Variants in CTNNA3 observed in about 807,000 individuals in gnomAD.
The protein encoded by CTNNA3 is catenin alpha 3.
In CTNNA3, 76 loss-of-function variants were observed where a neutral mutation model predicts 95.7. That is an observed-to-expected ratio of 0.79 (90% CI 0.66 to 0.96). The LOEUF is 0.96. Ranked by LOEUF, CTNNA3 falls within the 40% of genes least tolerant of loss-of-function variation. The pLI is 0.00. For synonymous variants in CTNNA3, 431 were observed against 374.4 expected, an observed-to-expected ratio of 1.15 and a Z score of -1.74; for missense variants, 1,191 against 1,089.8, an observed-to-expected ratio of 1.09 and a Z score of -1.31.
chr10:67,494,289 T>G (rs1838955775), intron 5 of CTNNA3, among the ~76,000 whole-genome samples: 1 of 152,240 alleles, frequency 6.6e-6, no homozygotes, highest in South Asian at 2.1e-4. Flanking sequence ...ATTGTGTCAC[T>G]GTACTATTTT....
In CTNNA3 at chr10:66,335,303, A is replaced by C. The variant is rs1190697894; in HGVS notation, c.1732+43849T>G. On this transcript the variant is annotated intron_variant, in intron 12 of 17. Coordinates refer to ENST00000433211, the MANE Select transcript of CTNNA3 (RefSeq NM_013266.4). ...TGCATTCCTTTGGAGGAGGAGAGGC[A>C]CTCTGATTTTTAGTGTTTCCAGTTT... Among the ~76,000 whole-genome samples the C allele has an allele frequency of 2.6e-5, 4 of 152,122 alleles. 1 individual carries two copies. Among genetic ancestry groups the C allele is most frequent in the East Asian group, 1.9e-4 (1 of 5,162 alleles).
intron 17 of CTNNA3, among the ~76,000 whole-genome samples, chr10:65,930,636 G>A (rs886348744): frequency 6.6e-6 from 1 of 151,894 alleles, no homozygotes; most frequent in African/African-American, 2.4e-5. Context: ...TTATTTCTGT[G>A]ATTATAATAT....
At chr10:66,245,994 C>T (rs976570195) in intron 13 of CTNNA3, among the ~76,000 whole-genome samples, 2 of 152,214 alleles carry the variant, frequency 1.3e-5, no homozygotes, top group Non-Finnish European at 2.9e-5. Flanking sequence ...AGAAAAGGCA[C>T]CACAAGTTCC....
At position 65,920,443 on chromosome 10, in the gene CTNNA3, T is replaced by A. The variant is rs766896063; in HGVS notation, c.2575A>T (p.Ile859Phe). The change falls in exon 18 of 18, where the codon ATT becomes TTT. Residue 859 changes from isoleucine to phenylalanine, a missense_variant. Transcript: ENST00000433211. ...GTTTCCTCTGGCTTCTCTCTTTTAATCAAGGGTTTTTTTGCAGGAGCCTTC... is the reference window on the plus strand; with the variant it reads ...GTTTCCTCTGGCTTCTCTCTTTTAAACAAGGGTTTTTTTGCAGGAGCCTTC... ...RMKAPAKKPL[I>F]KREKPEETCA... is the part of the protein sequence containing the mutation. 6.8e-6 allele frequency: 11 copies of A among 1,614,048 alleles called. No homozygotes were observed. The Admixed American group carries it at 1.8e-4, about 27-fold the overall frequency.
chr10:67,219,909 G>T (rs772820776), intron 5 of CTNNA3, 39 bp from the exon 6 acceptor site: 5 of 1,484,784 alleles, frequency 3.4e-6, no homozygotes, highest in Admixed American at 4.5e-5. Flanking sequence ...CTTACAATGG[G>T]TTATGGGAGA....
chr10:67,367,931 G>A (rs1490289606), intron 5 of CTNNA3, among the ~76,000 whole-genome samples: 2 of 152,070 alleles, frequency 1.3e-5, no homozygotes, highest in Admixed American at 6.6e-5. Context: ...TAATCATTGG[G>A]TACTATGCTC....
chr10:66,777,796 CAT>C (rs1554850954), intron 7 of CTNNA3, among the ~76,000 whole-genome samples: 13 of 71,054 alleles, frequency 1.8e-4, no homozygotes, highest in Admixed American at 4.0e-4. Flanking sequence ...CACACACACA[CAT>C]GCACACACAC....
Position 67,690,875 on chromosome 10 carries a change from C to CCTCTCT in CTNNA3, c.-6+5124_-6+5125insAGAGAG, listed in dbSNP as rs199999468. Among the ~76,000 whole-genome samples, 17 of 152,208 alleles carry CCTCTCT rather than the reference C, an allele frequency of 1.1e-4. No homozygotes were observed. In the East Asian group the frequency reaches 2.7e-3, roughly 24 times the overall value. ...GCTACAGCCTCTCCCTCTCCCTCTC[C>CCTCTCT]GTCTCTGTCTCCCTCTCCCCACGGT... On this transcript the variant is annotated intron_variant, in intron 1 of 17. Coordinates refer to ENST00000433211, the MANE Select transcript of CTNNA3 (RefSeq NM_013266.4).
At chr10:66,198,772 G>A (rs1474546530) in intron 13 of CTNNA3, among the ~76,000 whole-genome samples, 1 of 152,088 alleles carries the variant, frequency 6.6e-6, no homozygotes, top group African/African-American at 2.4e-5. Flanking sequence ...TATATACAAT[G>A]TACTTTATGT....
At chr10:67,028,375 A>C (rs1042893346) in intron 7 of CTNNA3, among the ~76,000 whole-genome samples, 5 of 152,148 alleles carry the variant, frequency 3.3e-5, no homozygotes, top group African/African-American at 1.2e-4. Flanking sequence ...CCTATCATCC[A>C]CAGCTTGCAT....
chr10:67,291,862 A>T (rs566270466), intron 5 of CTNNA3, among the ~76,000 whole-genome samples: 2 of 152,324 alleles, frequency 1.3e-5, no homozygotes, highest in Admixed American at 1.3e-4. Context: ...ACAAAAGGCA[A>T]ATTAATTACA....
chr10:66,242,595 C>T (rs1239163839), intron 13 of CTNNA3, among the ~76,000 whole-genome samples: 2 of 152,116 alleles, frequency 1.3e-5, no homozygotes, highest in Admixed American at 6.5e-5. Flanking sequence ...CTATTTTACA[C>T]TTATAAGAGT....
chr10:67,559,675 G>T (rs567882298), intron 3 of CTNNA3, among the ~76,000 whole-genome samples: 3 of 151,744 alleles, frequency 2.0e-5, no homozygotes, highest in East Asian at 3.9e-4. Flanking sequence ...GGCTTCAGAC[G>T]ATCAAACTAC....
At chr10:66,011,959 A>G (rs967930266) in intron 15 of CTNNA3, among the ~76,000 whole-genome samples, 4 of 152,206 alleles carry the variant, frequency 2.6e-5, no homozygotes, top group African/African-American at 9.6e-5. Flanking sequence ...TCTGCAACAT[A>G]GAATGACTGG....
At chr10:67,712,305 G>A (rs1841115840) in intron 1 of CTNNA3, among the ~76,000 whole-genome samples, 1 of 152,358 alleles carries the variant, frequency 6.6e-6, no homozygotes, top group South Asian at 2.1e-4. Context: ...ATTTTCTGAG[G>A]AGAAATCCAA....
chr10:67,246,035 G>A (rs1865890824), intron 5 of CTNNA3, among the ~76,000 whole-genome samples: 1 of 152,094 alleles, frequency 6.6e-6, no homozygotes, highest in South Asian at 2.1e-4. Context: ...CATCTTTCAT[G>A]TTTGCGAGAA....
intron 5 of CTNNA3, among the ~76,000 whole-genome samples, chr10:67,369,922 T>TG (rs1175028705): frequency 6.6e-6 from 1 of 152,192 alleles, no homozygotes; most frequent in Non-Finnish European, 1.5e-5. Flanking sequence ...CAAATGCATA[T>TG]GCCCTTTAAC....
intron 5 of CTNNA3, among the ~76,000 whole-genome samples, chr10:67,249,608 C>A (rs1273817050): frequency 6.6e-6 from 1 of 152,146 alleles, no homozygotes; most frequent in African/African-American, 2.4e-5. Flanking sequence ...CAAAACATTT[C>A]TAATATTAAA....
intron 5 of CTNNA3, among the ~76,000 whole-genome samples, chr10:67,469,822 G>T (rs1432858612): frequency 6.6e-6 from 1 of 152,090 alleles, no homozygotes; most frequent in African/African-American, 2.4e-5. Context: ...TGGGTACATA[G>T]TAGGTGTATA....
Sources: allele counts gnomAD v4.1 joint callset (sites outside exome capture counted in the v4.1 genomes callset), GRCh38; gene constraint gnomAD v4.1.1; transcripts MANE v1.5; gene names NCBI Gene and HGNC (gene_info 2026-07-23, HGNC 2026-07-21).